Variants in ACSM2B observed in about 807,000 individuals in gnomAD.
ACSM2B encodes the protein acyl-CoA synthetase medium chain family member 2B.
In ACSM2B, 58 loss-of-function variants were observed where a neutral mutation model predicts 78.6. That is an observed-to-expected ratio of 0.74 (90% confidence interval 0.60 to 0.92). ACSM2B has a LOEUF of 0.92. Ranked by LOEUF, ACSM2B falls within the 40% of genes least tolerant of loss-of-function variation. The probability of loss-of-function intolerance (pLI) is 0.00; values close to 1 mark genes in which losing one functional copy is unlikely to be tolerated. For missense variants in ACSM2B, 688 were observed against 711.2 expected, an observed-to-expected ratio of 0.97 and a Z score of 0.37; for synonymous variants, 257 against 256.8, an observed-to-expected ratio of 1.00 and a Z score of -0.01.
chr16:20,546,048 A>G (rs1019483129), intron 9 of ACSM2B, among the ~76,000 whole-genome samples: 8 of 152,204 alleles, frequency 5.3e-5, no homozygotes, highest in Non-Finnish European at 1.0e-4. Context: ...TGAACTGAAA[A>G]GATCGTTACC....
intron 6 of ACSM2B, among the ~76,000 whole-genome samples, chr16:20,551,886 C>T (rs2015319711): frequency 6.6e-6 from 1 of 152,168 alleles, no homozygotes; most frequent in Admixed American, 6.5e-5. Flanking sequence ...GAGCCCATTA[C>T]ATTTGTTGAG....
rs1205906317 is a variant in ACSM2B at position 20,566,731 on chromosome 16, A to T, written c.-8-1878T>A. On this transcript the variant is annotated intron_variant, in intron 1 of 13. Coordinates refer to ENST00000329697, the MANE Select transcript of ACSM2B (RefSeq NM_001105069.2). Reference sequence around the variant, plus strand: ...ATAGTATATATAGTATATACTATATATAGTATATACTATATATACTATATA... The same window carrying T: ...ATAGTATATATAGTATATACTATATTTAGTATATACTATATATACTATATA... Among the ~76,000 whole-genome samples, 6 of 18,792 alleles carry T rather than the reference A, an allele frequency of 3.2e-4. 1 individual carries two copies. The South Asian group carries it at 8.9e-3, about 28-fold the overall frequency. The allele number at this position is 18,792 out of a possible 152,430, so 12.3% of individuals were successfully genotyped here.
At chr16:20,559,800 A>G (rs1351113144) in intron 2 of ACSM2B, among the ~76,000 whole-genome samples, 1 of 150,960 alleles carries the variant, frequency 6.6e-6, no homozygotes, top group East Asian at 1.9e-4. Context: ...TATTGCATCT[A>G]TTTATTCTGC....
At chr16:20,567,154 T>G (rs1445512011) in intron 1 of ACSM2B, among the ~76,000 whole-genome samples, 2 of 134,524 alleles carry the variant, frequency 1.5e-5, no homozygotes, top group East Asian at 2.1e-4. Flanking sequence ...TATAGTATAA[T>G]AAGATTATAT....
At chr16:20,553,180 T>C (rs528527809) in intron 5 of ACSM2B, among the ~76,000 whole-genome samples, 5 of 152,306 alleles carry the variant, frequency 3.3e-5, no homozygotes, top group African/African-American at 1.2e-4. Context: ...CTTCCCATTC[T>C]AATAATAAAA....
intron 3 of ACSM2B, among the ~76,000 whole-genome samples, chr16:20,557,546 C>G (rs11640029): frequency 0.1 from 15,945 of 152,102 alleles, 1,253 homozygotes; most frequent in East Asian, 0.47. Context: ...ATTGAGCATC[C>G]AATATGACCA....
At chr16:20,543,361 C>T in intron 10 of ACSM2B, 99 bp from the exon 11 acceptor site, 1 of 1,587,768 alleles carries the variant, frequency 6.3e-7, no homozygotes, top group Admixed American at 1.7e-5. Context: ...ATTAAAACTG[C>T]AGGTGTGCAG....
intron 4 of ACSM2B, among the ~76,000 whole-genome samples, 187 bp downstream of exon 4, chr16:20,555,082 C>T (rs1173580564): frequency 6.6e-6 from 1 of 151,226 alleles, no homozygotes; most frequent in East Asian, 2.0e-4. Flanking sequence ...GCAGATCAAG[C>T]CCCACTTAGT....
chr16:20,544,528 A>G (rs568208789), intron 10 of ACSM2B: 64 of 943,394 alleles, frequency 6.8e-5, no homozygotes, highest in Non-Finnish European at 8.1e-5. Flanking sequence ...AGAAACTATT[A>G]TTATTTGATT....
chr16:20,540,876 C>T (rs2014970211), intron 12 of ACSM2B, 103 bp from the exon 13 acceptor site: 10 of 1,468,334 alleles, frequency 6.8e-6, no homozygotes, highest in Non-Finnish European at 9.2e-6. Flanking sequence ...CTTGTATCTA[C>T]TCATTTGCAC....
At chr16:20,567,270 A>G (rs2015930300) in intron 1 of ACSM2B, among the ~76,000 whole-genome samples, 1 of 126,986 alleles carries the variant, frequency 7.9e-6, no homozygotes, top group Admixed American at 9.6e-5. Context: ...ATATAGTATA[A>G]TATATAATAT....
At chr16:20,566,380 T>G (rs1212202606) in intron 1 of ACSM2B, among the ~76,000 whole-genome samples, 1 of 133,188 alleles carries the variant, frequency 7.5e-6, no homozygotes, top group East Asian at 2.1e-4. Flanking sequence ...ATAAAATATA[T>G]ATACTACATT....
At chr16:20,569,637 G>A (rs1057358578) in intron 1 of ACSM2B, among the ~76,000 whole-genome samples, 22 of 151,660 alleles carry the variant, frequency 1.5e-4, no homozygotes, top group Non-Finnish European at 2.8e-4. Flanking sequence ...GATGGGAATT[G>A]CACTGAATTT....
In ACSM2B at chr16:20,548,090, A is replaced by G; in HGVS notation, c.1070T>C (p.Ile357Thr). 6.2e-7 allele frequency: 1 copy of G among 1,614,080 alleles called. No homozygotes were observed. Among genetic ancestry groups the G allele is most frequent in the Non-Finnish European group, 8.5e-7 (1 of 1,179,924 alleles). The change falls in exon 8 of 14, where the codon ATC (isoleucine) becomes ACC (threonine). Residue 357 changes from isoleucine (I) to threonine (T), a missense_variant. Transcript: ENST00000329697. ...TTCTGTCTGGCCATAGAATTCTCGG[A>G]TGTCCAGTCCTGTCTGGGCCCTCCA... ...ENWRAQTGLD[I>T]REFYGQTETG... is the part of the protein sequence containing the mutation.
intron 1 of ACSM2B, among the ~76,000 whole-genome samples, chr16:20,574,862 G>A (rs1241240756): frequency 6.8e-6 from 1 of 146,368 alleles, no homozygotes; most frequent in African/African-American, 2.7e-5. Flanking sequence ...TCTGAAGCTG[G>A]GAGATAGAAT....
intron 6 of ACSM2B, among the ~76,000 whole-genome samples, chr16:20,551,108 T>C (rs1402112314): frequency 6.6e-6 from 1 of 152,188 alleles, no homozygotes; most frequent in Non-Finnish European, 1.5e-5. Flanking sequence ...TATAATGTTG[T>C]TCCATTTACA....
intron 8 of ACSM2B, 33 bp downstream of exon 8, chr16:20,548,029 C>G: frequency 1.2e-6 from 2 of 1,610,196 alleles, no homozygotes; most frequent in Non-Finnish European, 1.7e-6. Flanking sequence ...CCAAAAAGTG[C>G]ACACAGCCCA....
intron 9 of ACSM2B, 143 bp from the exon 10 acceptor site, chr16:20,545,401 C>G: frequency 1.0e-6 from 1 of 954,150 alleles, no homozygotes; most frequent in Non-Finnish European, 1.5e-6. Flanking sequence ...CAAGGGAACC[C>G]AAGAGTCTTA....
At chr16:20,550,987 A>T (rs889682645) in intron 6 of ACSM2B, among the ~76,000 whole-genome samples, 22 of 152,320 alleles carry the variant, frequency 1.4e-4, no homozygotes, top group East Asian at 3.9e-4. Context: ...AGATTCACGT[A>T]ATGGAATACT....
Sources: allele counts gnomAD v4.1 joint callset (sites outside exome capture counted in the v4.1 genomes callset), GRCh38; gene constraint gnomAD v4.1.1; transcripts MANE v1.5; gene names NCBI Gene and HGNC (gene_info 2026-07-23, HGNC 2026-07-21).